The following C1orf94 variants were observed in gnomAD, a reference collection of about 807,000 sequenced individuals.
C1orf94 encodes the protein uncharacterized protein C1orf94.
A neutral mutation model predicts 53.6 loss-of-function variants in C1orf94; 45 were observed. The ratio of observed to expected loss-of-function variants is 0.84; its 90% confidence interval spans 0.66 to 1.08. C1orf94 has a LOEUF of 1.08. Among genes scored for constraint, C1orf94 ranks in the 50% least tolerant of loss-of-function variants. C1orf94 has a pLI of 0.00. For missense variants in C1orf94, 762 were observed against 738.9 expected (o/e 1.03, Z -0.36); for synonymous variants, 304 against 296.1 (o/e 1.03, Z -0.27).
At chr1:34,205,146 G>T (rs539030116) in intron 4 of C1orf94, among the ~76,000 whole-genome samples, 1 of 152,230 alleles carries the variant, frequency 6.6e-6, no homozygotes, top group African/African-American at 2.4e-5. Flanking sequence ...TGAGCATGAC[G>T]GTCCTCTGTC....
At chr1:34,181,509 G>A (rs186143184) in intron 1 of C1orf94, among the ~76,000 whole-genome samples, 2 of 152,278 alleles carry the variant, frequency 1.3e-5, no homozygotes, top group East Asian at 3.9e-4. Context: ...TCATTCAACA[G>A]ATATTTATTA....
upstream of C1orf94, among the ~76,000 whole-genome samples, chr1:34,175,540 G>A (rs916839868): frequency 2.0e-5 from 3 of 152,010 alleles, no homozygotes; most frequent in Admixed American, 6.6e-5. Context: ...CTTCAATTTT[G>A]TAATGAAAAT....
At chr1:34,203,279 T>G (rs1642742721) in intron 4 of C1orf94, among the ~76,000 whole-genome samples, 1 of 152,078 alleles carries the variant, frequency 6.6e-6, no homozygotes, top group African/African-American at 2.4e-5. Context: ...CTGGGATTAC[T>G]GGTATGTGCG....
At chr1:34,179,960 A>G (rs1235983484) in intron 1 of C1orf94, among the ~76,000 whole-genome samples, 2 of 152,236 alleles carry the variant, frequency 1.3e-5, no homozygotes, top group Admixed American at 6.5e-5. Context: ...GAAAAGAGAT[A>G]GGAAACCAAT....
chr1:34,185,854 G>A (rs1296021852), intron 1 of C1orf94, among the ~76,000 whole-genome samples: 1 of 152,198 alleles, frequency 6.6e-6, no homozygotes, highest in Non-Finnish European at 1.5e-5. Context: ...TAGTGGCCCT[G>A]CCTCCATCTC....
upstream of C1orf94, among the ~76,000 whole-genome samples, chr1:34,175,426 A>G (rs553772334): frequency 8.5e-5 from 13 of 152,308 alleles, no homozygotes; most frequent in African/African-American, 3.1e-4. Flanking sequence ...TTCATCAGAA[A>G]TGATCACTTT....
At chr1:34,173,643 G>A (rs1214068218), upstream of C1orf94, among the ~76,000 whole-genome samples, 2 of 152,142 alleles carry the variant, frequency 1.3e-5, no homozygotes, top group Admixed American at 1.3e-4. Flanking sequence ...CACTTTACAT[G>A]TATTATTTCA....
chr1:34,186,609 A>C (rs915815526), intron 1 of C1orf94, among the ~76,000 whole-genome samples: 5 of 152,256 alleles, frequency 3.3e-5, no homozygotes, highest in African/African-American at 1.2e-4. Context: ...AGGGGTCATC[A>C]TAAGAGACAA....
At chr1:34,206,282 C>G (rs1299421794) in intron 4 of C1orf94, among the ~76,000 whole-genome samples, 1 of 152,192 alleles carries the variant, frequency 6.6e-6, no homozygotes, top group Non-Finnish European at 1.5e-5. Flanking sequence ...GATGGCATGG[C>G]CCATGCTGGG....
Position 34,197,877 on chromosome 1 carries a change from AAG to A in C1orf94, c.974_975del (p.Lys325SerfsTer2). On this transcript the variant is annotated frameshift_variant, in exon 2 of 7. Transcript: ENST00000488417. LOFTEE classifies it high-confidence loss of function. This position sits in a 1 kb window ranked among gnomAD's most constrained non-coding sequence, Gnocchi z 4.1. Reference sequence around the variant, plus strand: ...GTTTGCCAAGATCTGTTCCAAGCCCAAGGCTGACCCTGCTGTGGAGAGGCACC... The same window carrying A: ...GTTTGCCAAGATCTGTTCCAAGCCCAGCTGACCCTGCTGTGGAGAGGCACC... ...PVFAKICSKPKADPAVERHHL... is the reference protein window; with the variant it reads ...PVFAKICSKPXADPAVERHHL... 1.2e-6 allele frequency: 2 copies of A among 1,614,138 alleles called. No individual in the cohort carries two copies. Among genetic ancestry groups the A allele is most frequent in the Non-Finnish European group, 1.7e-6 (2 of 1,180,010 alleles).
At chr1:34,207,719 G>A (rs1642822305) in intron 4 of C1orf94, among the ~76,000 whole-genome samples, 1 of 152,220 alleles carries the variant, frequency 6.6e-6, no homozygotes, top group Non-Finnish European at 1.5e-5. Flanking sequence ...TCTTCAGGGG[G>A]CAGGTATGGG....
intron 1 of C1orf94, among the ~76,000 whole-genome samples, chr1:34,169,635 G>GA (rs780035067): frequency 3.1e-5 from 1 of 32,082 alleles, no homozygotes. Flanking sequence ...GAGAGAGAGA[G>GA]TGAGCAAATG....
At chr1:34,213,666 G>A (rs780083971) in intron 6 of C1orf94, among the ~76,000 whole-genome samples, 4 of 151,828 alleles carry the variant, frequency 2.6e-5, no homozygotes, top group Non-Finnish European at 4.4e-5. Context: ...TCAGCCTTCC[G>A]AGTAGCTGGG....
chr1:34,201,079 T>A (rs1212164908), intron 3 of C1orf94, 47 bp downstream of exon 3: 4 of 1,548,310 alleles, frequency 2.6e-6, no homozygotes, highest in Middle Eastern at 1.7e-4. Flanking sequence ...GGGGTTGCAG[T>A]GACCCTCACA....
upstream of C1orf94, among the ~76,000 whole-genome samples, chr1:34,173,156 T>C (rs1371747697): frequency 6.6e-6 from 1 of 152,256 alleles, no homozygotes; most frequent in African/African-American, 2.4e-5. Flanking sequence ...ATTTGTAGGT[T>C]GGAGTTTTCT....
At chr1:34,193,278 T>C (rs1210526738) in intron 1 of C1orf94, among the ~76,000 whole-genome samples, 1 of 152,120 alleles carries the variant, frequency 6.6e-6, no homozygotes. Flanking sequence ...TCCGGTAGTG[T>C]CCCTGAGGCT....
chr1:34,180,267 A>G (rs1347987228), intron 1 of C1orf94, among the ~76,000 whole-genome samples: 63 of 152,344 alleles, frequency 4.1e-4, no homozygotes, highest in Middle Eastern at 3.4e-3. Context: ...TTCAGATGTG[A>G]TCATTTCTTT....
intron 2 of C1orf94, among the ~76,000 whole-genome samples, chr1:34,199,144 C>CATTTGTACACATTTG (rs1642651444): frequency 6.6e-6 from 1 of 152,152 alleles, no homozygotes; most frequent in African/African-American, 2.4e-5. Context: ...CACATTTGTG[C>CATTTGTACACATTTG]ATATGTCTGT....
At chr1:34,206,624 C>T (rs1041379568) in intron 4 of C1orf94, among the ~76,000 whole-genome samples, 4 of 152,232 alleles carry the variant, frequency 2.6e-5, no homozygotes, top group African/African-American at 9.6e-5. Context: ...TAACAGGGAT[C>T]AGAGGAGGCG....
Sources: allele counts gnomAD v4.1 joint callset (sites outside exome capture counted in the v4.1 genomes callset), GRCh38; gene constraint gnomAD v4.1.1; non-coding constraint Gnocchi (gnomAD v3.1); transcripts MANE v1.5; gene names NCBI Gene and HGNC (gene_info 2026-07-23, HGNC 2026-07-21).